Variants in PTPRG observed in about 807,000 individuals in gnomAD.
The protein encoded by PTPRG is protein tyrosine phosphatase receptor type G.
PTPRG carries 102 observed loss-of-function variants against 165.3 expected under a neutral mutation model. That is an observed-to-expected ratio of 0.62 (90% CI 0.53 to 0.73). The LOEUF (loss-of-function observed/expected upper bound fraction) is 0.73, where lower values mean the gene tolerates loss of function less well. Ranked by LOEUF, PTPRG falls within the 30% of genes least tolerant of loss-of-function variation. The pLI, the probability that PTPRG is intolerant of heterozygous loss-of-function variation, is 0.00. For missense variants in PTPRG, 1,866 were observed against 1,861.4 expected (o/e 1.00, Z -0.05); for synonymous variants, 675 against 669.5 (o/e 1.01, Z -0.13).
intron 2 of PTPRG, among the ~76,000 whole-genome samples, chr3:61,759,587 A>C (rs1010584141): frequency 2.0e-5 from 3 of 152,134 alleles, no homozygotes; most frequent in African/African-American, 7.2e-5. Flanking sequence ...AACCCAGTCA[A>C]GGCTGGAGTG....
intron 2 of PTPRG, among the ~76,000 whole-genome samples, chr3:61,776,635 T>A (rs2034391736): frequency 1.3e-5 from 2 of 150,942 alleles, no homozygotes; most frequent in African/African-American, 4.8e-5. Flanking sequence ...TCTATCCTTT[T>A]AACTGGAACA....
chr3:62,126,148 C>G (rs924350502), intron 5 of PTPRG, among the ~76,000 whole-genome samples: 6 of 152,170 alleles, frequency 3.9e-5, no homozygotes, highest in Non-Finnish European at 5.9e-5. Context: ...TGCTACCAGC[C>G]TTGCTGTCAC....
chr3:61,637,272 A>C (rs60665805), intron 1 of PTPRG, among the ~76,000 whole-genome samples: 1 of 152,224 alleles, frequency 6.6e-6, no homozygotes, highest in African/African-American at 2.4e-5. Flanking sequence ...AGCTCAGACT[A>C]CAATTTGAAT....
chr3:61,764,129 G>A (rs2033941166), intron 2 of PTPRG, among the ~76,000 whole-genome samples: 1 of 152,146 alleles, frequency 6.6e-6, no homozygotes, highest in Admixed American at 6.5e-5. Context: ...AGACCTTTCT[G>A]AAAAGCTTGT....
At chr3:61,676,900 T>C (rs1322115287) in intron 1 of PTPRG, among the ~76,000 whole-genome samples, 2 of 152,120 alleles carry the variant, frequency 1.3e-5, no homozygotes, top group Non-Finnish European at 2.9e-5. Flanking sequence ...AGGAGTATTA[T>C]CTGTCCTGTG....
intron 5 of PTPRG, among the ~76,000 whole-genome samples, chr3:62,088,005 C>G (rs1268093204): frequency 6.6e-6 from 1 of 152,072 alleles, no homozygotes; most frequent in Non-Finnish European, 1.5e-5. Context: ...AGAATAAATG[C>G]TGTGGTTATG....
chr3:61,754,815 C>T lies in PTPRG; in HGVS notation c.190+5833C>T, dbSNP rs185590560. Reference sequence around the variant, plus strand: ...TCTGTACAGGATAAAGCAAAATATACGTGCCTGCAGAATTCAGCTTTTGTC... The same window carrying T: ...TCTGTACAGGATAAAGCAAAATATATGTGCCTGCAGAATTCAGCTTTTGTC... On this transcript the variant is annotated intron_variant, in intron 2 of 29. Transcript: ENST00000474889. 2.8e-4 allele frequency among the ~76,000 whole-genome samples: 42 copies of T among 152,162 alleles called. No homozygotes were observed. The East Asian group carries it at 5.4e-3, about 20-fold the overall frequency.
At chr3:61,649,940 A>G (rs1310983790) in intron 1 of PTPRG, among the ~76,000 whole-genome samples, 1 of 152,196 alleles carries the variant, frequency 6.6e-6, no homozygotes, top group African/African-American at 2.4e-5. Flanking sequence ...AAAGCAGACC[A>G]TCAAGAACAT....
At position 62,203,619 on chromosome 3, in the gene PTPRG, G is replaced by C; in HGVS notation, c.1824G>C (p.Lys608Asn). 6.4e-7 allele frequency: 1 copy of C among 1,554,228 alleles called. No individual in the cohort carries two copies. Among genetic ancestry groups the C allele is most frequent in the Non-Finnish European group, 8.7e-7 (1 of 1,148,296 alleles). ...DGEKDSEKKE[K>N]SGVTHAAEER... ...AGAAGGACTCCGAAAAGAAGGAGAAGAGTGGGGTGACCCACGCTGCCGAGG... is the reference window on the plus strand; with the variant it reads ...AGAAGGACTCCGAAAAGAAGGAGAACAGTGGGGTGACCCACGCTGCCGAGG... Residue 608 changes from lysine (K) to asparagine (N), a missense_variant, in exon 12 of 30, where the codon AAG (lysine) becomes AAC (asparagine). Coordinates refer to ENST00000474889, the MANE Select transcript of PTPRG (RefSeq NM_002841.4). The surrounding 1 kb of genome is among the most constrained non-coding windows in gnomAD (Gnocchi z 6.4).
At chr3:61,876,264 G>T (rs2037736774) in intron 2 of PTPRG, among the ~76,000 whole-genome samples, 1 of 152,168 alleles carries the variant, frequency 6.6e-6, no homozygotes, top group East Asian at 1.9e-4. Context: ...GGAGACTGAA[G>T]AACTTTTTAT....
chr3:61,803,621 TTTG>T (rs1402780613), intron 2 of PTPRG, among the ~76,000 whole-genome samples: 1 of 151,216 alleles, frequency 6.6e-6, no homozygotes, highest in Non-Finnish European at 1.5e-5. Context: ...CCAAAGGATT[TTTG>T]TTGTTGTTGT....
chr3:61,659,177 A>T (rs963315035), intron 1 of PTPRG: 14 of 481,522 alleles, frequency 2.9e-5, no homozygotes, highest in Non-Finnish European at 3.5e-5. Context: ...GGCCTGATGA[A>T]CATCAGACAG....
At chr3:62,001,058 C>A in intron 3 of PTPRG, among the ~76,000 whole-genome samples, 2 of 152,244 alleles carry the variant, frequency 1.3e-5, no homozygotes, top group East Asian at 3.8e-4. Flanking sequence ...ATATGCATGA[C>A]ATCTTGTGCT....
chr3:62,058,711 A>C (rs1026394642), intron 4 of PTPRG, among the ~76,000 whole-genome samples: 1 of 152,160 alleles, frequency 6.6e-6, no homozygotes, highest in Non-Finnish European at 1.5e-5. Flanking sequence ...AGTAGGGACC[A>C]GGTTGAATTC....
At chr3:62,289,877 G>A (rs1311026271) in intron 28 of PTPRG, among the ~76,000 whole-genome samples, 1 of 151,924 alleles carries the variant, frequency 6.6e-6, no homozygotes, top group Non-Finnish European at 1.5e-5. Flanking sequence ...GCCTATCTAG[G>A]TGCTAGCCAA....
At chr3:61,912,107 T>G (rs2107542314) in intron 2 of PTPRG, among the ~76,000 whole-genome samples, 1 of 152,282 alleles carries the variant, frequency 6.6e-6, no homozygotes, top group East Asian at 1.9e-4. Context: ...CTGCCTTCTA[T>G]TTTTATGAAG....
At chr3:61,935,414 G>T (rs140556275) in intron 2 of PTPRG, among the ~76,000 whole-genome samples, 2 of 152,056 alleles carry the variant, frequency 1.3e-5, no homozygotes, top group African/African-American at 4.8e-5. Flanking sequence ...AATTACGCAC[G>T]TGCACACATA....
At position 62,092,219 on chromosome 3, in the gene PTPRG, C is replaced by T. The variant is rs1367296957; in HGVS notation, c.615+13961C>T. Among the ~76,000 whole-genome samples, 4 of 151,860 alleles carry T rather than the reference C, an allele frequency of 2.6e-5. 1 individual carries two copies. Among genetic ancestry groups the T allele is most frequent in the South Asian group, 4.2e-4 (2 of 4,800 alleles). On this transcript the variant is annotated intron_variant, in intron 5 of 29. Coordinates refer to ENST00000474889, the MANE Select transcript of PTPRG (RefSeq NM_002841.4). ...CTTTGGGAGGCCGAGGCAGGTGGAT[C>T]GCCTGAGGTCATGAGTTCATGACCA...
intron 1 of PTPRG, among the ~76,000 whole-genome samples, chr3:61,597,220 T>C (rs1700724054): frequency 6.6e-6 from 1 of 152,174 alleles, no homozygotes; most frequent in South Asian, 2.1e-4. Context: ...CCAACACTGC[T>C]GAATTGGGGA....
Sources: gnomAD v4.1 joint callset for allele counts (sites outside exome capture counted in the v4.1 genomes callset) on GRCh38, gnomAD v4.1.1 for gene constraint, Gnocchi (gnomAD v3.1) non-coding constraint, MANE v1.5 for transcripts, NCBI Gene and HGNC (gene_info 2026-07-23, HGNC 2026-07-21) for gene names.